CAMTA1: variants seen among roughly 807,000 people sequenced by gnomAD.
The protein encoded by CAMTA1 is calmodulin-binding transcription activator 1.
Under a neutral mutation model 170.9 loss-of-function variants are expected in CAMTA1, and 27 were observed. The ratio of observed to expected loss-of-function variants is 0.16; its 90% CI spans 0.12 to 0.22. The LOEUF (loss-of-function observed/expected upper bound fraction) is 0.22. Ranked by LOEUF, CAMTA1 falls within the 10% of genes least tolerant of loss-of-function variation. CAMTA1 has a pLI of 1.00. For synonymous variants in CAMTA1, 833 were observed against 891.5 expected, an observed-to-expected ratio of 0.93 and a Z score of 1.17; for missense variants, 1,619 against 2,217.2, an observed-to-expected ratio of 0.73 and a Z score of 5.42.
At chr1:6,926,706 T>C in intron 3 of CAMTA1, among the ~76,000 whole-genome samples, 1 of 141,580 alleles carries the variant, frequency 7.1e-6, no homozygotes. Flanking sequence ...CTTCTCTCCT[T>C]CCTTCCTTCT....
intron 4 of CAMTA1, among the ~76,000 whole-genome samples, chr1:7,210,008 C>A (rs1266505601): frequency 6.6e-6 from 1 of 152,112 alleles, no homozygotes; most frequent in Non-Finnish European, 1.5e-5. Flanking sequence ...CCCCGTTAAC[C>A]CTAAACACTT....
intron 21 of CAMTA1, among the ~76,000 whole-genome samples, chr1:7,755,321 C>T (rs2096923598): frequency 1.8e-5 from 2 of 111,496 alleles, no homozygotes; most frequent in Admixed American, 1.0e-4. Flanking sequence ...GGAGAGACTC[C>T]GTCTCAAAAA....
At chr1:6,881,669 C>G (rs1671631206) in intron 3 of CAMTA1, among the ~76,000 whole-genome samples, 1 of 152,118 alleles carries the variant, frequency 6.6e-6, no homozygotes, top group Admixed American at 6.6e-5. Flanking sequence ...AAAGACATGA[C>G]AGAAAGGATC....
chr1:7,468,540 C>T (rs977859786), intron 6 of CAMTA1, among the ~76,000 whole-genome samples: 7 of 152,224 alleles, frequency 4.6e-5, no homozygotes, highest in Non-Finnish European at 1.0e-4. Context: ...GCCTCTTGCC[C>T]TCTGGGGATC....
At position 7,736,451 on chromosome 1, in the gene CAMTA1, C is replaced by A; in HGVS notation, c.3174C>A (p.Ile1058=). ...GCTGGGCGAAGTCCAAGCACTTGAT[C>A]CACTCAAAGACTTTCCGCGGAATGA... ...RACWAKSKHL[I]HSKTFRGMTL... Residue 1058 remains isoleucine (I), a synonymous_variant, in exon 13 of 23, where the codon ATC becomes ATA. Transcript: ENST00000303635. This position sits in a 1 kb window ranked among gnomAD's most constrained non-coding sequence, Gnocchi z 4.5. The A allele has an allele frequency of 6.2e-7, 1 of 1,614,106 alleles. No individual in the cohort carries two copies. Among genetic ancestry groups the A allele is most frequent in the Non-Finnish European group, 8.5e-7 (1 of 1,180,012 alleles).
At chr1:6,997,088 A>C (rs537449577) in intron 3 of CAMTA1, among the ~76,000 whole-genome samples, 2 of 152,318 alleles carry the variant, frequency 1.3e-5, no homozygotes, top group African/African-American at 4.8e-5. Context: ...TGTGGTTCCT[A>C]GGACGATGAT....
intron 3 of CAMTA1, among the ~76,000 whole-genome samples, chr1:6,913,750 TA>T (rs1234369730): frequency 1.3e-5 from 2 of 151,886 alleles, no homozygotes; most frequent in Non-Finnish European, 2.9e-5. Context: ...AGAGGACTAC[TA>T]GATGCATCAC....
chr1:6,929,606 G>A lies in CAMTA1; in HGVS notation c.234+104396G>A, dbSNP rs924280394. 2.8e-4 allele frequency among the ~76,000 whole-genome samples: 42 copies of A among 152,220 alleles called. No individual in the cohort carries two copies. In the South Asian group the frequency reaches 3.5e-3, roughly 13 times the overall value. On this transcript the variant is annotated intron_variant, in intron 3 of 22. Transcript: ENST00000303635. Reference sequence around the variant, plus strand: ...TCTTAATCTCCTGACCTCGTGATCCGCCCGCCTCGGCTTCCCAAAGTGCTG... The same window carrying A: ...TCTTAATCTCCTGACCTCGTGATCCACCCGCCTCGGCTTCCCAAAGTGCTG...
At chr1:7,310,658 T>TC (rs1278832032) in intron 5 of CAMTA1, among the ~76,000 whole-genome samples, 2,994 of 62,384 alleles carry the variant, frequency 0.048, 215 homozygotes, top group African/African-American at 0.095. Context: ...TTTCTTTCTT[T>TC]CTTTCTTTCT....
intron 4 of CAMTA1, among the ~76,000 whole-genome samples, chr1:7,178,710 A>C (rs1651464703): frequency 6.6e-6 from 1 of 152,188 alleles, no homozygotes. Flanking sequence ...GGAGAAGGGC[A>C]CTTGCGGAGT....
At chr1:6,862,560 G>A (rs1042767935) in intron 3 of CAMTA1, among the ~76,000 whole-genome samples, 6 of 152,042 alleles carry the variant, frequency 3.9e-5, no homozygotes, top group Non-Finnish European at 5.9e-5. Flanking sequence ...TTTGAATTTA[G>A]CTTCCATTAT....
At chr1:7,713,089 TTCTG>T (rs2096583411) in intron 11 of CAMTA1, among the ~76,000 whole-genome samples, 1 of 152,152 alleles carries the variant, frequency 6.6e-6, no homozygotes, top group African/African-American at 2.4e-5. Context: ...AAAGAAGTGA[TTCTG>T]TCTGTCAAAG....
chr1:7,437,026 A>G (rs1395420511), intron 5 of CAMTA1, among the ~76,000 whole-genome samples: 1 of 152,100 alleles, frequency 6.6e-6, no homozygotes, highest in Non-Finnish European at 1.5e-5. Flanking sequence ...CCTCTGGGGC[A>G]CAGCTGGCAG....
chr1:7,670,635 A>C (rs2096051904), intron 9 of CAMTA1, among the ~76,000 whole-genome samples: 1 of 152,252 alleles, frequency 6.6e-6, no homozygotes, highest in East Asian at 1.9e-4. Context: ...TGCGAGTTAC[A>C]CAAAAGGGAG....
intron 5 of CAMTA1, among the ~76,000 whole-genome samples, chr1:7,427,228 T>C (rs1356717791): frequency 6.6e-6 from 1 of 152,206 alleles, no homozygotes. Flanking sequence ...GCTTCCTAAG[T>C]GGCCCACAAA....
chr1:7,583,491 C>T (rs968849242), intron 6 of CAMTA1, among the ~76,000 whole-genome samples: 1 of 152,088 alleles, frequency 6.6e-6, no homozygotes, highest in African/African-American at 2.4e-5. Flanking sequence ...TCTGGTGGAC[C>T]GGGCTGCACC....
intron 11 of CAMTA1, among the ~76,000 whole-genome samples, chr1:7,708,593 T>C (rs185849835): frequency 6.6e-6 from 1 of 152,368 alleles, no homozygotes; most frequent in East Asian, 1.9e-4. Context: ...ACTGGAATTT[T>C]AGTTTATAAA....
At chr1:7,289,031 A>G (rs1165054095) in intron 5 of CAMTA1, among the ~76,000 whole-genome samples, 1 of 152,138 alleles carries the variant, frequency 6.6e-6, no homozygotes. Context: ...TCATGGTGTA[A>G]GGCAAAAAGG....
intron 6 of CAMTA1, among the ~76,000 whole-genome samples, chr1:7,529,426 G>A (rs1244307820): frequency 2.0e-5 from 3 of 152,130 alleles, no homozygotes; most frequent in East Asian, 1.9e-4. Context: ...CACTGACCCC[G>A]TGCGACAGTA....
Sources: gnomAD v4.1 joint callset for allele counts (sites outside exome capture counted in the v4.1 genomes callset) on GRCh38, gnomAD v4.1.1 for gene constraint, Gnocchi (gnomAD v3.1) non-coding constraint, MANE v1.5 for transcripts, NCBI Gene and HGNC (gene_info 2026-07-23, HGNC 2026-07-21) for gene names.